SMG6: variants seen among roughly 807,000 people sequenced by gnomAD.
SMG6 encodes the protein SMG6 nonsense mediated mRNA decay factor.
Under a neutral mutation model 142.2 loss-of-function variants are expected in SMG6, and 66 were observed. That is an observed-to-expected ratio of 0.46 (90% CI 0.38 to 0.57). SMG6 has a LOEUF of 0.57. Among genes scored for constraint, SMG6 ranks in the 20% least tolerant of loss-of-function variants. SMG6 has a pLI of 0.00. For missense variants in SMG6, 1,793 were observed against 1,832.0 expected (o/e 0.98, Z 0.39); for synonymous variants, 779 against 702.4 (o/e 1.11, Z -1.72).
chr17:2,116,859 TA>T (rs10709176), intron 13 of SMG6, among the ~76,000 whole-genome samples: 53,586 of 150,900 alleles, frequency 0.36, 10,175 homozygotes, highest in African/African-American at 0.49. Context: ...AAACACCCTA[TA>T]AATCAGTAAG....
At chr17:2,245,329 C>G (rs745510616) in intron 8 of SMG6, among the ~76,000 whole-genome samples, 1 of 152,196 alleles carries the variant, frequency 6.6e-6, no homozygotes, top group Non-Finnish European at 1.5e-5. Flanking sequence ...GACTATTCCA[C>G]TCCAGTTTTG....
In SMG6 at chr17:2,300,439, T is replaced by C. The variant is rs2075255101; in HGVS notation, c.314A>G (p.Glu105Gly). 6.2e-7 allele frequency: 1 copy of C among 1,614,210 alleles called. No individual in the cohort carries two copies. The highest frequency in any genetic ancestry group is 2.2e-5 in the East Asian group (1 of 44,880). The change falls in exon 2 of 19, where the codon GAG (glutamate) becomes GGG (glycine). Residue 105 changes from glutamate to glycine, a missense_variant. Coordinates refer to ENST00000263073, the MANE Select transcript of SMG6 (RefSeq NM_017575.5). ...TTCTGGGTCTATAGGACCATTCTGC[T>C]CTTGGTTGTTCAGTTCCTTGCAGAC... ...KDVCKELNNQ[E>G]QNGPIDPENN...
intron 10 of SMG6, among the ~76,000 whole-genome samples, chr17:2,196,159 C>T (rs913321255): frequency 1.8e-4 from 27 of 152,202 alleles, no homozygotes; most frequent in East Asian, 1.9e-4. Context: ...GGTGACTCAA[C>T]GCCTGTAAAC....
At chr17:2,223,038 C>T (rs1334077591) in intron 10 of SMG6, among the ~76,000 whole-genome samples, 2 of 152,132 alleles carry the variant, frequency 1.3e-5, no homozygotes, top group Non-Finnish European at 2.9e-5. Context: ...CAAAGAAGTC[C>T]CTGGTGAGCT....
At chr17:2,069,313 A>C (rs1325933794) in intron 15 of SMG6, among the ~76,000 whole-genome samples, 3 of 152,190 alleles carry the variant, frequency 2.0e-5, no homozygotes, top group Non-Finnish European at 4.4e-5. Flanking sequence ...GGTACTTTTC[A>C]ATCTAGACAT....
Position 2,225,749 on chromosome 17 carries a change from G to A in SMG6, c.2869+10743C>T, listed in dbSNP as rs543129892. The stretch of plus-strand genomic sequence containing the variant: ...GATTAACTTTTGATTTTGGCAAGGT[G>A]AAGTATGCATGCTTTAATTCCTAGG... On this transcript the variant is annotated intron_variant, in intron 10 of 18. Coordinates refer to ENST00000263073, the MANE Select transcript of SMG6 (RefSeq NM_017575.5). 2.6e-5 allele frequency among the ~76,000 whole-genome samples: 4 copies of A among 152,322 alleles called. No individual in the cohort carries two copies. In the South Asian group the frequency reaches 8.3e-4, roughly 32 times the overall value.
At chr17:2,240,116 T>C (rs1175265236) in intron 9 of SMG6, 4 of 152,242 alleles carry the variant, frequency 2.6e-5, no homozygotes, top group Non-Finnish European at 5.9e-5. Flanking sequence ...GATGACTCTG[T>C]CCCTATCCTT....
chr17:2,076,053 G>A (rs2068249517), intron 15 of SMG6, among the ~76,000 whole-genome samples: 1 of 152,250 alleles, frequency 6.6e-6, no homozygotes, highest in Non-Finnish European at 1.5e-5. Context: ...GTCTAGGTAA[G>A]AGCAGGGAAG....
intron 18 of SMG6, among the ~76,000 whole-genome samples, chr17:2,063,475 G>T (rs1251495889): frequency 6.6e-6 from 1 of 152,212 alleles, no homozygotes; most frequent in African/African-American, 2.4e-5. Flanking sequence ...ATGGCAATGG[G>T]TTCCTGTAGG....
chr17:2,216,593 A>T (rs2073027547), intron 10 of SMG6, among the ~76,000 whole-genome samples: 1 of 152,236 alleles, frequency 6.6e-6, no homozygotes, highest in South Asian at 2.1e-4. Context: ...TAAACTCTTT[A>T]TACATTTTCA....
intron 13 of SMG6, among the ~76,000 whole-genome samples, chr17:2,171,280 A>G (rs1409110269): frequency 6.6e-6 from 1 of 151,910 alleles, no homozygotes; most frequent in African/African-American, 2.4e-5. Context: ...TCTAAAAATA[A>G]TAATAATAAA....
rs551504397 is a variant in SMG6, at chr17:2,281,458, C to T, written c.2661+1189G>A. 2.8e-4 allele frequency among the ~76,000 whole-genome samples: 42 copies of T among 152,298 alleles called. 2 individuals are homozygous for T. Among genetic ancestry groups the T allele is most frequent in the African/African-American group, 9.4e-4 (39 of 41,572 alleles). ...CTCTTTCTTCTCCCTGAGCTCCCCA[C>T]GTTCAACCAAGTCTTTTGGATTCTA... On this transcript the variant is annotated intron_variant, in intron 8 of 18. Coordinates refer to ENST00000263073, the MANE Select transcript of SMG6 (RefSeq NM_017575.5).
intron 13 of SMG6, among the ~76,000 whole-genome samples, chr17:2,098,467 G>T (rs1465963558): frequency 2.0e-5 from 3 of 152,106 alleles, no homozygotes; most frequent in Non-Finnish European, 4.4e-5. Context: ...CATGCTACAT[G>T]CTAAGTGTGG....
At chr17:2,083,304 G>A (rs775882930) in intron 14 of SMG6, among the ~76,000 whole-genome samples, 4 of 152,176 alleles carry the variant, frequency 2.6e-5, no homozygotes, top group Non-Finnish European at 4.4e-5. Context: ...TTACTCAGGT[G>A]GGTGGCTGGG....
intron 10 of SMG6, among the ~76,000 whole-genome samples, chr17:2,225,331 GA>G (rs1047034038): frequency 2.3e-4 from 32 of 137,530 alleles, no homozygotes; most frequent in African/African-American, 8.2e-4. Flanking sequence ...ACAAAAAAAA[GA>G]AAAAAAGAAA....
At chr17:2,269,622 T>C (rs939755964) in intron 8 of SMG6, among the ~76,000 whole-genome samples, 4 of 152,274 alleles carry the variant, frequency 2.6e-5, no homozygotes, top group African/African-American at 7.2e-5. Context: ...AAAGAAAATA[T>C]ACTATCCAAC....
intron 4 of SMG6, among the ~76,000 whole-genome samples, chr17:2,294,609 A>C (rs1248890691): frequency 6.6e-6 from 1 of 152,088 alleles, no homozygotes; most frequent in Non-Finnish European, 1.5e-5. Context: ...ATACACCTTC[A>C]CCTGGCTGAA....
intron 6 of SMG6, among the ~76,000 whole-genome samples, chr17:2,285,651 C>T (rs2074888323): frequency 6.6e-6 from 1 of 152,074 alleles, no homozygotes; most frequent in Non-Finnish European, 1.5e-5. Flanking sequence ...CCAGCCTTGG[C>T]AACGCAGTGA....
At chr17:2,121,982 C>T (rs955141255) in intron 13 of SMG6, among the ~76,000 whole-genome samples, 1 of 151,892 alleles carries the variant, frequency 6.6e-6, no homozygotes, top group African/African-American at 2.4e-5. Flanking sequence ...TATAGGTGCC[C>T]GTCACCACAT....
Sources: allele counts gnomAD v4.1 joint callset (sites outside exome capture counted in the v4.1 genomes callset), GRCh38; gene constraint gnomAD v4.1.1; transcripts MANE v1.5; gene names NCBI Gene and HGNC (gene_info 2026-07-23, HGNC 2026-07-21).